EVPL: variants seen among roughly 807,000 people sequenced by gnomAD.
EVPL encodes the protein envoplakin, also known as 210 kDa cornified envelope precursor protein.
Under a neutral mutation model 129.7 loss-of-function variants are expected in EVPL, and 94 were observed. That is an observed-to-expected ratio of 0.72 (90% CI 0.61 to 0.86). The LOEUF is 0.86. EVPL is among the 40% of genes least tolerant of loss of function. The probability of loss-of-function intolerance (pLI) is 0.00; values close to 1 mark genes in which losing one functional copy is unlikely to be tolerated. For missense variants in EVPL, 2,625 were observed against 2,721.1 expected (o/e 0.96, Z 0.79); for synonymous variants, 1,172 against 1,191.1 (o/e 0.98, Z 0.33).
Position 76,010,494 on chromosome 17 carries a change from G to A in EVPL, c.2711C>T (p.Ser904Phe). The change falls in exon 22 of 22, where the codon TCC (serine) becomes TTC (phenylalanine). Residue 904 changes from serine (S) to phenylalanine (F), a missense_variant. This residue lies in a region of EVPL where 9 missense variants were observed against 25.0 expected (regional missense o/e 0.36). Transcript: ENST00000301607. ...IRRTHDAKQG[S>F]ESPAQAGRES... ...TCTCCCTGCTTGGGCAGGGCTCTCG[G>A]AGCCCTGCTTTGCATCATGGGTCCT... 6.2e-7 allele frequency: 1 copy of A among 1,613,852 alleles called. No homozygotes were observed.
chr17:76,023,641 C>T lies in EVPL; in HGVS notation c.212G>A (p.Ser71Asn), dbSNP rs2144440561. The change falls in exon 3 of 22, where the codon AGT (serine) becomes AAT (asparagine). Residue 71 changes from serine (S) to asparagine (N), a missense_variant. Ser to Asn is a conservative substitution (Grantham distance 46). Transcript: ENST00000301607. ...QKRLQQDRLN[S>N]EQSQALQHQQ... ...GTGCTGCAGGGCCTGGCTCTGCTCA[C>T]TGTTCAGCCGGTCCTGTGGGCAGGA... is the stretch of plus-strand genomic sequence containing the variant. 1 of 1,581,954 alleles carries T rather than the reference C, an allele frequency of 6.3e-7. No individual in the cohort carries two copies. The highest frequency in any genetic ancestry group is 2.3e-5 in the East Asian group (1 of 42,810).
At position 76,010,241 on chromosome 17, in the gene EVPL, G is replaced by A; in HGVS notation, c.2964C>T (p.Gly988=). The A allele has an allele frequency of 1.9e-6, 3 of 1,613,838 alleles. No individual in the cohort carries two copies. Among genetic ancestry groups the A allele is most frequent in the Non-Finnish European group, 2.5e-6 (3 of 1,180,024 alleles). The change falls in exon 22 of 22, where the codon GGC becomes GGT. Residue 988 remains glycine (G), a synonymous_variant. Coordinates refer to ENST00000301607, the MANE Select transcript of EVPL (RefSeq NM_001988.4). ...CTGCCACTTCCAGGTCTGCCTGCAG[G>A]CCAGCCCGCCGCTTGCCCTCCTCCT... ...QVEEEGKRRA[G]LQADLEVAAQ...
At chr17:76,015,917 G>GT (rs2066416514) in intron 14 of EVPL, among the ~76,000 whole-genome samples, 1 of 152,228 alleles carries the variant, frequency 6.6e-6, no homozygotes, top group Non-Finnish European at 1.5e-5. Flanking sequence ...GCCAAGGCGG[G>GT]TGGGTTGCTT....
intron 10 of EVPL, 108 bp from the exon 11 acceptor site, chr17:76,019,168 G>C: frequency 8.1e-7 from 1 of 1,233,040 alleles, no homozygotes. Context: ...TGAAGGCAGG[G>C]GTCTCTAAGT....
At position 76,024,677 on chromosome 17, in the gene EVPL, AG is replaced by A. The variant is rs2066487079; in HGVS notation, c.99-558del. 6.6e-6 allele frequency among the ~76,000 whole-genome samples: 1 copy of A among 151,242 alleles called. No individual in the cohort carries two copies. The highest frequency in any genetic ancestry group is 1.5e-5 in the Non-Finnish European group (1 of 67,804). Reference sequence around the variant, plus strand: ...GAGCCTCACACTGTCGGAGCCGGGGAGGTGGGGCAGGCGCAAGAGACTACTG... The same window carrying A: ...GAGCCTCACACTGTCGGAGCCGGGGAGTGGGGCAGGCGCAAGAGACTACTG... On this transcript the variant is annotated intron_variant, in intron 1 of 21. Transcript: ENST00000301607. The surrounding 1 kb of genome is among the most constrained non-coding windows in gnomAD (Gnocchi z 4.5).
chr17:76,008,993 C>T lies in EVPL; in HGVS notation c.4212G>A (p.Gln1404=), dbSNP rs1450972866. The change falls in exon 22 of 22, where the codon CAG becomes CAA. Residue 1404 remains glutamine, a synonymous_variant. Transcript: ENST00000301607. This position sits in a 1 kb window ranked among gnomAD's most constrained non-coding sequence, Gnocchi z 7.4. ...SLDEEVGRRR[Q]LELEVQQLRA... is the part of the protein sequence containing the mutation. ...GCAGCTGCTGCACCTCAAGCTCTAG[C>T]TGGCGCCGCCGGCCCACCTCCTCAT... 1.9e-6 allele frequency: 3 copies of T among 1,612,032 alleles called. No homozygotes were observed. The highest frequency in any genetic ancestry group is 1.1e-5 in the South Asian group (1 of 91,062).
In EVPL at chr17:76,008,654, C is replaced by T. The variant is rs2066345281; in HGVS notation, c.4551G>A (p.Lys1517=). The T allele has an allele frequency of 6.2e-7, 1 of 1,612,542 alleles. No homozygotes were observed. Among genetic ancestry groups the T allele is most frequent in the Middle Eastern group, 1.6e-4 (1 of 6,062 alleles). The change falls in exon 22 of 22, where the codon AAG becomes AAA. Residue 1517 remains lysine (K), a synonymous_variant. Coordinates refer to ENST00000301607, the MANE Select transcript of EVPL (RefSeq NM_001988.4). The surrounding 1 kb of genome is among the most constrained non-coding windows in gnomAD (Gnocchi z 7.4). The part of the protein sequence containing the change: ...DVLQKAKSQE[K]TIYKEVIRVQ... ...CCCGGATCACTTCCTTGTAGATGGT[C>T]TTCTCCTGCGATTTGGCTTTCTGGA...
intron 9 of EVPL, among the ~76,000 whole-genome samples, chr17:76,020,518 CGT>C (rs772636109): frequency 3.3e-5 from 5 of 151,964 alleles, no homozygotes; most frequent in Non-Finnish European, 7.4e-5. Flanking sequence ...TTTTTGTCAA[CGT>C]GTGTGATCAC....
At position 76,008,975 on chromosome 17, in the gene EVPL, C is replaced by T. The variant is rs2066349072; in HGVS notation, c.4230G>A (p.Gln1410=). 2 of 1,611,774 alleles carry T rather than the reference C, an allele frequency of 1.2e-6. No homozygotes were observed. The highest frequency in any genetic ancestry group is 1.1e-5 in the South Asian group (1 of 91,054). Residue 1410 remains glutamine (Q), a synonymous_variant, in exon 22 of 22, where the codon CAG becomes CAA. Transcript: ENST00000301607. This position sits in a 1 kb window ranked among gnomAD's most constrained non-coding sequence, Gnocchi z 7.4. ...GCTCCTCCACGCCGGCCCGCAGCTG[C>T]TGCACCTCAAGCTCTAGCTGGCGCC... is the stretch of plus-strand genomic sequence containing the variant. ...GRRRQLELEV[Q]QLRAGVEEQE...
rs541230498 is a variant in EVPL at position 76,024,554 on chromosome 17, C to T, written c.99-434G>A. On this transcript the variant is annotated intron_variant, in intron 1 of 21. Transcript: ENST00000301607. This position sits in a 1 kb window ranked among gnomAD's most constrained non-coding sequence, Gnocchi z 4.5. ...GGGGCAGGGAGGCAGCAGCATGTCC[C>T]CCATCCCCACCTCCTCGCACTCCAG... 1.3e-5 allele frequency among the ~76,000 whole-genome samples: 2 copies of T among 152,168 alleles called. No individual in the cohort carries two copies. Among genetic ancestry groups the T allele is most frequent in the South Asian group, 2.1e-4 (1 of 4,820 alleles).
In EVPL at chr17:76,012,017, C is replaced by G. The variant is rs1241350342; in HGVS notation, c.2446G>C (p.Ala816Pro). 6.2e-7 allele frequency: 1 copy of G among 1,612,820 alleles called. No homozygotes were observed. The highest frequency in any genetic ancestry group is 8.5e-7 in the Non-Finnish European group (1 of 1,179,618). Residue 816 changes from alanine to proline, a missense_variant, in exon 19 of 22, where the codon GCA (alanine) becomes CCA (proline). Transcript: ENST00000301607. ...GGCAAGCTGCTTACCTGGAGCGCTG[C>G]CTGCAGGGCCTGGGAGAGGTGGGAT... ...TASHLSQALQ[A>P]ALQDYELQAD...
At chr17:76,018,710 G>C (rs1007494718) in intron 11 of EVPL, 110 bp from the exon 12 acceptor site, 33 of 1,304,218 alleles carry the variant, frequency 2.5e-5, no homozygotes, top group Non-Finnish European at 3.4e-5. Context: ...GCTGGAACAG[G>C]GACAAGAGTA....
In EVPL at chr17:76,007,143, TAGC is replaced by T. The variant is rs767033072; in HGVS notation, c.6059_6061del (p.Cys2020del). 4.0e-6 allele frequency: 6 copies of T among 1,486,304 alleles called. No homozygotes were observed. Among genetic ancestry groups the T allele is most frequent in the Non-Finnish European group, 4.5e-6 (5 of 1,116,146 alleles). The allele number at this position is 1,486,304 out of a possible 1,614,324, so 92.1% of individuals were successfully genotyped here. On this transcript the variant is annotated inframe_deletion, in exon 22 of 22. Transcript: ENST00000301607. The surrounding 1 kb of genome is among the most constrained non-coding windows in gnomAD (Gnocchi z 8.8). ...CGGGACGGTGGGGGAGGCGGAGCGG[TAGC>T]AGCGGTACCCCTCCAGTGCCGCTGG...
At chr17:76,021,396 C>A (rs1301834258) in intron 9 of EVPL, 72 bp downstream of exon 9, 2 of 1,354,022 alleles carry the variant, frequency 1.5e-6, no homozygotes, top group Middle Eastern at 2.0e-4. Context: ...CTCCTGTGGG[C>A]AGGGGTGCTG....
Position 76,008,075 on chromosome 17 carries a change from C to G in EVPL, c.5130G>C (p.Arg1710Ser). 1 of 1,614,170 alleles carries G rather than the reference C, an allele frequency of 6.2e-7. No individual in the cohort carries two copies. Among genetic ancestry groups the G allele is most frequent in the Non-Finnish European group, 8.5e-7 (1 of 1,180,026 alleles). The change falls in exon 22 of 22, where the codon AGG becomes AGC. Residue 1710 changes from arginine (R) to serine (S), a missense_variant. Arg to Ser is a moderately radical substitution (Grantham distance 110). Transcript: ENST00000301607. This position sits in a 1 kb window ranked among gnomAD's most constrained non-coding sequence, Gnocchi z 7.4. ...YEAYKRGIID[R>S]GQYLQLQELE... ...GCTCCTGCAGCTGCAAGTACTGGCC[C>G]CTGTCGATGATGCCCCTCTTGTAGG...
Position 76,007,962 on chromosome 17 carries a change from G to T in EVPL, c.5243C>A (p.Ser1748Tyr), listed in dbSNP as rs149028614. 775 of 1,614,110 alleles carry T rather than the reference G, an allele frequency of 4.8e-4. 2 individuals carry two copies. The highest frequency in any genetic ancestry group is 2.3e-3 in the Middle Eastern group (14 of 6,062). The change falls in exon 22 of 22, where the codon TCC becomes TAC. Residue 1748 changes from serine (S) to tyrosine (Y), a missense_variant. Coordinates refer to ENST00000301607, the MANE Select transcript of EVPL (RefSeq NM_001988.4). The surrounding 1 kb of genome is among the most constrained non-coding windows in gnomAD (Gnocchi z 8.8). ...CCGGCAGCGGAGGGCGGCCTCGATG[G>T]AGTACTGCTTCCCGCTCTTGCGGTC... ...LLDRKSGKQY[S>Y]IEAALRCRRI...
At position 76,023,557 on chromosome 17, in the gene EVPL, A is replaced by G. The variant is rs202057945; in HGVS notation, c.296T>C (p.Leu99Pro). Reference sequence around the variant, plus strand: ...GAGCCGCCGGGCCTTGTCCACGTCCAGGAAGAGGTCCTTGAGCAGCACCTC... The same window carrying G: ...GAGCCGCCGGGCCTTGTCCACGTCCGGGAAGAGGTCCTTGAGCAGCACCTC... Reference protein sequence around the residue: ...EAEVLLKDLFLDVDKARRLKH... With the variant: ...EAEVLLKDLFPDVDKARRLKH... Residue 99 changes from leucine (L) to proline (P), a missense_variant, in exon 3 of 22, where the codon CTG becomes CCG. Physicochemically the swap from Leu to Pro is moderately conservative, Grantham distance 98. Transcript: ENST00000301607. The G allele has an allele frequency of 9.1e-5, 146 of 1,613,204 alleles. 2 individuals are homozygous for G. In the Admixed American group the frequency reaches 1.0e-3, roughly 11 times the overall value.
In EVPL at chr17:76,019,582, G is replaced by A. The variant is rs2066443283; in HGVS notation, c.1083C>T (p.Ser361=). The A allele has an allele frequency of 6.2e-7, 1 of 1,603,118 alleles. No individual in the cohort carries two copies. Among genetic ancestry groups the A allele is most frequent in the African/African-American group, 1.3e-5 (1 of 74,318 alleles). Residue 361 remains serine (S), a synonymous_variant, in exon 10 of 22, where the codon AGC becomes AGT. Transcript: ENST00000301607. ...KLNSNLDAKY[S]PAPGGPPGAP... ...CGCCAGGGGGGCCCCCAGGTGCAGG[G>A]CTGTACTTGGCATCCAAGTTGGAGT...
At position 76,022,395 on chromosome 17, in the gene EVPL, TC is replaced by T; in HGVS notation, c.606+17del. The T allele has an allele frequency of 6.2e-7, 1 of 1,612,838 alleles. No homozygotes were observed. Among genetic ancestry groups the T allele is most frequent in the East Asian group, 2.2e-5 (1 of 44,848 alleles). ...GCTGGGGCTGGCCCCGGATGTGACATCCTCCAGGCTCACCTACCGGCCCCAC... is the reference window on the plus strand; with the variant it reads ...GCTGGGGCTGGCCCCGGATGTGACATCTCCAGGCTCACCTACCGGCCCCAC... On this transcript the variant is annotated intron_variant, in intron 5 of 21. Transcript: ENST00000301607. This position sits in a 1 kb window ranked among gnomAD's most constrained non-coding sequence, Gnocchi z 5.6.
Sources: gnomAD v4.1 joint callset for allele counts (sites outside exome capture counted in the v4.1 genomes callset) on GRCh38, gnomAD v4.1.1 for gene constraint, gnomAD v4.1.1 regional missense constraint, Gnocchi (gnomAD v3.1) non-coding constraint, MANE v1.5 for transcripts, NCBI Gene and HGNC (gene_info 2026-07-23, HGNC 2026-07-21) for gene names.